The following RBFOX1 variants were observed in gnomAD, a reference collection of about 807,000 sequenced individuals.
RBFOX1 encodes the protein RNA binding protein fox-1 homolog 1.
A neutral mutation model predicts 57.7 loss-of-function variants in RBFOX1; 8 were observed. The ratio of observed to expected loss-of-function variants is 0.14; its 90% CI spans 0.08 to 0.25. The LOEUF (loss-of-function observed/expected upper bound fraction) is 0.25, where lower values mean the gene tolerates loss of function less well. Among genes scored for constraint, RBFOX1 ranks in the 10% least tolerant of loss-of-function variants. The pLI, the probability that RBFOX1 is intolerant of heterozygous loss-of-function variation, is 1.00. For missense variants in RBFOX1, 611 were observed against 548.5 expected (o/e 1.11, Z -1.14); for synonymous variants, 326 against 222.4 (o/e 1.47, Z -4.15).
intron 2 of RBFOX1, chr16:6,577,490 G>A (rs1463249120): frequency 6.6e-6 from 1 of 152,168 alleles, no homozygotes; most frequent in Non-Finnish European, 1.5e-5. Flanking sequence ...ACCAAGTTGT[G>A]CTGTGGTGAC....
intron 3 of RBFOX1, among the ~76,000 whole-genome samples, chr16:6,911,752 T>A (rs1273392881): frequency 2.0e-5 from 3 of 152,206 alleles, no homozygotes; most frequent in Non-Finnish European, 4.4e-5. Flanking sequence ...TTACCATGCA[T>A]ACCTACAGCA....
chr16:7,208,173 G>GC (rs1354362003), intron 4 of RBFOX1, among the ~76,000 whole-genome samples: 2 of 152,098 alleles, frequency 1.3e-5, no homozygotes, highest in African/African-American at 4.8e-5. Flanking sequence ...TCTTACTTGG[G>GC]CTGAGGTATG....
chr16:5,500,195 T>TCATTCCATTCCATTC (rs563738734), intron 2 of RBFOX1, among the ~76,000 whole-genome samples: 10 of 127,734 alleles, frequency 7.8e-5, no homozygotes, highest in South Asian at 3.0e-4. Flanking sequence ...CTCCCTCCCT[T>TCATTCCATTCCATTC]CATTCCATTC....
chr16:5,979,049 C>G (rs1034725868), intron 4 of RBFOX1, among the ~76,000 whole-genome samples: 1 of 152,194 alleles, frequency 6.6e-6, no homozygotes, highest in Non-Finnish European at 1.5e-5. Flanking sequence ...TTTGCAGAAC[C>G]ATGGACAATG....
chr16:7,110,875 C>G (rs1177783552), intron 4 of RBFOX1, among the ~76,000 whole-genome samples: 2 of 152,030 alleles, frequency 1.3e-5, no homozygotes, highest in Admixed American at 6.6e-5. Flanking sequence ...CCCTCCCATC[C>G]CAGGGTCAGC....
At chr16:6,763,917 A>G (rs1279358954) in intron 3 of RBFOX1, among the ~76,000 whole-genome samples, 1 of 152,202 alleles carries the variant, frequency 6.6e-6, no homozygotes, top group Non-Finnish European at 1.5e-5. Context: ...TAGCGTTTGT[A>G]TATGTCCTAT....
At chr16:5,854,106 A>C (rs1306073353) in intron 3 of RBFOX1, among the ~76,000 whole-genome samples, 1 of 152,236 alleles carries the variant, frequency 6.6e-6, no homozygotes, top group African/African-American at 2.4e-5. Flanking sequence ...TTTGATATGC[A>C]CATGTATTGG....
At chr16:6,888,869 C>G (rs1245402189) in intron 3 of RBFOX1, among the ~76,000 whole-genome samples, 2 of 152,030 alleles carry the variant, frequency 1.3e-5, no homozygotes, top group South Asian at 2.1e-4. Flanking sequence ...CTCTTTATCC[C>G]CTCCTCCCCA....
At chr16:6,687,998 C>G (rs895796957) in intron 3 of RBFOX1, among the ~76,000 whole-genome samples, 1 of 152,214 alleles carries the variant, frequency 6.6e-6, no homozygotes, top group Non-Finnish European at 1.5e-5. Context: ...GAAACATCTT[C>G]TATGCCAAGC....
intron 1 of RBFOX1, among the ~76,000 whole-genome samples, chr16:6,159,443 A>T (rs2152741635): frequency 6.6e-6 from 1 of 152,242 alleles, no homozygotes; most frequent in South Asian, 2.1e-4. Flanking sequence ...GTGAGCAAAG[A>T]ATGCTCAAAG....
chr16:7,264,513 G>C (rs953893913), intron 4 of RBFOX1, among the ~76,000 whole-genome samples: 8 of 152,158 alleles, frequency 5.3e-5, no homozygotes, highest in African/African-American at 1.7e-4. Flanking sequence ...GTTAGTCTTT[G>C]CTGACCACGT....
chr16:5,865,066 C>T (rs1390330465), intron 3 of RBFOX1, among the ~76,000 whole-genome samples: 2 of 152,252 alleles, frequency 1.3e-5, no homozygotes, highest in Non-Finnish European at 2.9e-5. Context: ...ATGTAAATGA[C>T]ACAAGGTTAG....
intron 4 of RBFOX1, among the ~76,000 whole-genome samples, chr16:5,966,446 C>G (rs1162843689): frequency 1.3e-5 from 2 of 152,076 alleles, no homozygotes; most frequent in Non-Finnish European, 2.9e-5. Flanking sequence ...GGAGATGCCA[C>G]ACACTTTTTT....
chr16:6,653,965 TTGGACGGATGGATGGATGGA>T (rs1182878008), intron 2 of RBFOX1, among the ~76,000 whole-genome samples: 5 of 125,646 alleles, frequency 4.0e-5, no homozygotes, highest in Admixed American at 7.8e-5. Context: ...GGATGGATGG[TTGGACGGATGGATGGATGGA>T]TGGATGGATG....
intron 3 of RBFOX1, among the ~76,000 whole-genome samples, chr16:5,649,463 C>T (rs749994146): frequency 3.9e-5 from 6 of 152,180 alleles, no homozygotes; most frequent in Non-Finnish European, 7.3e-5. Context: ...AGCCACCATG[C>T]CGGGTCAGAA....
intron 3 of RBFOX1, among the ~76,000 whole-genome samples, chr16:5,858,374 A>G (rs903798894): frequency 6.6e-6 from 1 of 152,224 alleles, no homozygotes; most frequent in African/African-American, 2.4e-5. Context: ...TGGGCTTGTC[A>G]CAGCTCAGAC....
intron 3 of RBFOX1, among the ~76,000 whole-genome samples, chr16:6,716,469 T>A (rs2064841750): frequency 6.6e-6 from 1 of 152,238 alleles, no homozygotes; most frequent in Non-Finnish European, 1.5e-5. Flanking sequence ...TTTCCATATT[T>A]TTGGCTAAAT....
Position 7,298,286 on chromosome 16 carries a change from T to G in RBFOX1, c.28-219861T>G, listed in dbSNP as rs12922886. Among the ~76,000 whole-genome samples, 511 of 71,910 alleles carry G rather than the reference T, an allele frequency of 7.1e-3. 4 individuals are homozygous for G. The highest frequency in any genetic ancestry group is 0.01 in the Non-Finnish European group (407 of 39,218). 47.2% of individuals were successfully genotyped at this position (71,910 alleles called of 152,430 possible). ...AAATTTGTGTATAGGTTTTTTTTTG[T>G]TTTTTTTTTTTTTTTTTTTTGAGAT... On this transcript the variant is annotated intron_variant, in intron 4 of 15. Coordinates refer to ENST00000550418, the MANE Select transcript of RBFOX1 (RefSeq NM_018723.4).
At chr16:6,732,024 G>A (rs1226158246) in intron 3 of RBFOX1, among the ~76,000 whole-genome samples, 1 of 152,114 alleles carries the variant, frequency 6.6e-6, no homozygotes, top group African/African-American at 2.4e-5. Context: ...GGTAAATTCT[G>A]GGAACTGTAT....
Sources: allele counts gnomAD v4.1 joint callset (sites outside exome capture counted in the v4.1 genomes callset), GRCh38; gene constraint gnomAD v4.1.1; transcripts MANE v1.5; gene names NCBI Gene and HGNC (gene_info 2026-07-23, HGNC 2026-07-21).